Variants in STX18 observed in about 807,000 individuals in gnomAD.
STX18 encodes syntaxin-18.
STX18 carries 40 observed loss-of-function variants against 50.1 expected under a neutral mutation model. That is an observed-to-expected ratio of 0.80 (90% CI 0.62 to 1.04). STX18 has a LOEUF of 1.04. Ranked by LOEUF, STX18 falls within the 50% of genes least tolerant of loss-of-function variation. STX18 has a pLI of 0.00. For missense variants in STX18, 410 were observed against 415.8 expected, an observed-to-expected ratio of 0.99 and a Z score of 0.12; for synonymous variants, 158 against 151.8, an observed-to-expected ratio of 1.04 and a Z score of -0.30.
intron 1 of STX18, among the ~76,000 whole-genome samples, chr4:4,537,464 T>C (rs1035553171): frequency 1.3e-5 from 2 of 152,012 alleles, no homozygotes; most frequent in African/African-American, 4.8e-5. Flanking sequence ...ACCTGACCAA[T>C]TAAAGAAACA....
chr4:4,535,898 A>T (rs557462929), intron 1 of STX18, among the ~76,000 whole-genome samples: 1 of 152,322 alleles, frequency 6.6e-6, no homozygotes, highest in African/African-American at 2.4e-5. Flanking sequence ...GGTAAAATTT[A>T]TAATCCAGGT....
chr4:4,540,900 G>C (rs1731555158), intron 1 of STX18, among the ~76,000 whole-genome samples: 1 of 152,128 alleles, frequency 6.6e-6, no homozygotes, highest in Admixed American at 6.5e-5. Flanking sequence ...TTAAGCTTTA[G>C]GGTCCCTCTC....
intron 1 of STX18, among the ~76,000 whole-genome samples, chr4:4,476,861 C>T (rs1251444293): frequency 1.3e-5 from 2 of 151,904 alleles, no homozygotes; most frequent in Admixed American, 6.6e-5. Flanking sequence ...TTGTGCTATT[C>T]CACTTTAGTA....
At chr4:4,436,339 A>C (rs1725773648) in intron 6 of STX18, among the ~76,000 whole-genome samples, 1 of 152,216 alleles carries the variant, frequency 6.6e-6, no homozygotes, top group Non-Finnish European at 1.5e-5. Flanking sequence ...AAGTATCTTT[A>C]GAAATGATCT....
At chr4:4,437,399 T>A (rs1223536599) in intron 6 of STX18, among the ~76,000 whole-genome samples, 4 of 152,228 alleles carry the variant, frequency 2.6e-5, no homozygotes, top group Admixed American at 2.0e-4. Context: ...ATCACATCCC[T>A]GAAACTTATT....
chr4:4,433,082 T>C (rs1361529012), intron 7 of STX18, among the ~76,000 whole-genome samples: 1 of 152,246 alleles, frequency 6.6e-6, no homozygotes, highest in Non-Finnish European at 1.5e-5. Flanking sequence ...AAAGGTTGGC[T>C]CTGCTGCTCT....
chr4:4,471,698 G>A lies in STX18; in HGVS notation c.177C>T (p.His59=). 1.9e-6 allele frequency: 3 copies of A among 1,584,208 alleles called. No individual in the cohort carries two copies. In the South Asian group the frequency reaches 3.5e-5, roughly 19 times the overall value. ...FSSRAREVIS[H]IGKLRDFLLE... Reference sequence around the variant, plus strand: ...GAAGAAAATCTCTCAGTTTGCCAATGTGAGAAATCTAAAATTAAAAAAGAA... The same window carrying A: ...GAAGAAAATCTCTCAGTTTGCCAATATGAGAAATCTAAAATTAAAAAAGAA... Residue 59 remains histidine (H), a synonymous_variant, in exon 2 of 11, where the codon CAC becomes CAT. Transcript: ENST00000306200.
intron 2 of STX18, among the ~76,000 whole-genome samples, chr4:4,463,108 C>T (rs1303296883): frequency 1.3e-5 from 2 of 152,202 alleles, no homozygotes; most frequent in Non-Finnish European, 2.9e-5. Flanking sequence ...TGCTTTGAAC[C>T]TCTCAACTGC....
chr4:4,429,764 A>G (rs2108778049), intron 7 of STX18, among the ~76,000 whole-genome samples: 1 of 152,296 alleles, frequency 6.6e-6, no homozygotes. Context: ...AGCTCTCACT[A>G]TGTGGTATTC....
chr4:4,505,506 G>A (rs1464613443), intron 1 of STX18, among the ~76,000 whole-genome samples: 1 of 152,152 alleles, frequency 6.6e-6, no homozygotes, highest in African/African-American at 2.4e-5. Flanking sequence ...GGGGATGGGT[G>A]TGGTGGCTCA....
intron 5 of STX18, among the ~76,000 whole-genome samples, chr4:4,439,389 T>TAC (rs1010029421): frequency 5.2e-5 from 5 of 96,290 alleles, no homozygotes; most frequent in Admixed American, 1.7e-4. Context: ...ACCCCCTACA[T>TAC]ACACACACAC....
At chr4:4,542,069 C>T (rs969238078), upstream of STX18, 1 of 1,270,228 alleles carries the variant, frequency 7.9e-7, no homozygotes, top group Non-Finnish European at 1.0e-6. Context: ...CACACGCCTC[C>T]CCCCGGCAAC....
chr4:4,519,625 A>G (rs1730426978), intron 1 of STX18, among the ~76,000 whole-genome samples: 1 of 152,204 alleles, frequency 6.6e-6, no homozygotes, highest in South Asian at 2.1e-4. Context: ...AGAACTGAAC[A>G]CTATATAGGC....
chr4:4,489,862 T>C (rs1287293077), intron 1 of STX18, among the ~76,000 whole-genome samples: 2 of 152,226 alleles, frequency 1.3e-5, no homozygotes, highest in African/African-American at 4.8e-5. Flanking sequence ...ATTATATCTT[T>C]TCATTCTACA....
At chr4:4,520,027 T>C (rs1730442333) in intron 1 of STX18, among the ~76,000 whole-genome samples, 1 of 152,156 alleles carries the variant, frequency 6.6e-6, no homozygotes. Context: ...AATTACAAAT[T>C]CCAGTTACAA....
rs1729251046 is a variant in STX18, at chr4:4,497,851, G to A, written c.169-26145C>T. ...TCCTGAGATATATCAACTGTATTTAGAATAAAATTTGTCTTGTTCCTGCAG... is the reference window on the plus strand; with the variant it reads ...TCCTGAGATATATCAACTGTATTTAAAATAAAATTTGTCTTGTTCCTGCAG... On this transcript the variant is annotated intron_variant, in intron 1 of 10. Coordinates refer to ENST00000306200, the MANE Select transcript of STX18 (RefSeq NM_016930.4). 3.9e-5 allele frequency among the ~76,000 whole-genome samples: 6 copies of A among 152,244 alleles called. No individual in the cohort carries two copies. The South Asian group carries it at 1.0e-3, about 26-fold the overall frequency.
intron 2 of STX18, among the ~76,000 whole-genome samples, chr4:4,468,418 G>A (rs770367065): frequency 2.6e-5 from 4 of 152,086 alleles, no homozygotes; most frequent in Non-Finnish European, 4.4e-5. Flanking sequence ...TCTACAACCC[G>A]GCCATTGCTG....
chr4:4,493,745 A>G (rs947547095), intron 1 of STX18, among the ~76,000 whole-genome samples: 4 of 152,228 alleles, frequency 2.6e-5, no homozygotes, highest in African/African-American at 9.6e-5. Context: ...GCAAAGCATA[A>G]TGCTGTTTTG....
intron 1 of STX18, among the ~76,000 whole-genome samples, chr4:4,530,538 T>C (rs879771391): frequency 6.6e-6 from 1 of 152,092 alleles, no homozygotes; most frequent in Non-Finnish European, 1.5e-5. Context: ...AAAATCATTA[T>C]TATTGTATTA....
Sources: allele counts gnomAD v4.1 joint callset (sites outside exome capture counted in the v4.1 genomes callset), GRCh38; gene constraint gnomAD v4.1.1; transcripts MANE v1.5; gene names NCBI Gene and HGNC (gene_info 2026-07-23, HGNC 2026-07-21).